Variants in ZC3H7B observed in about 807,000 individuals in gnomAD.
The protein encoded by ZC3H7B is zinc finger CCCH-type containing 7B.
In ZC3H7B, 35 loss-of-function variants were observed where a neutral mutation model predicts 116.0. The observed-to-expected ratio is 0.30, with a 90% confidence interval of 0.23 to 0.40. ZC3H7B has a LOEUF of 0.40. ZC3H7B is among the 10% of genes least tolerant of loss of function. The pLI is 1.00. For synonymous variants in ZC3H7B, 502 were observed against 545.6 expected (o/e 0.92, Z 1.11); for missense variants, 1,011 against 1,321.5 (o/e 0.77, Z 3.64).
Position 41,356,396 on chromosome 22 carries a change from A to G in ZC3H7B, c.2437A>G (p.Lys813Glu). The G allele has an allele frequency of 6.2e-7, 1 of 1,614,132 alleles. No homozygotes were observed. The change falls in exon 21 of 23, where the codon AAG becomes GAG. Residue 813 changes from lysine to glutamate, a missense_variant. This residue lies in a region of ZC3H7B where 406 missense variants were observed against 590.2 expected (regional missense o/e 0.69). Coordinates refer to ENST00000352645, the MANE Select transcript of ZC3H7B (RefSeq NM_017590.6). Reference sequence around the variant, plus strand: ...GTGGCTGAAAAAACACAACCCAGGAAAGCCTGGAGAAGGGACCCCCATCAG... The same window carrying G: ...GTGGCTGAAAAAACACAACCCAGGAGAGCCTGGAGAAGGGACCCCCATCAG... ...DMWLKKHNPG[K>E]PGEGTPISSR... is the part of the protein sequence containing the mutation.
At chr22:41,326,406 C>T (rs998365869) in intron 4 of ZC3H7B, among the ~76,000 whole-genome samples, 13 of 151,600 alleles carry the variant, frequency 8.6e-5, no homozygotes, top group African/African-American at 2.2e-4. Context: ...CTCACTGTTC[C>T]TCCCATAGCC....
Position 41,356,819 on chromosome 22 carries a change from G to T in ZC3H7B, c.2681+11G>T. 1 of 1,613,064 alleles carries T rather than the reference G, an allele frequency of 6.2e-7. No individual in the cohort carries two copies. Among genetic ancestry groups the T allele is most frequent in the East Asian group, 2.2e-5 (1 of 44,876 alleles). The stretch of plus-strand genomic sequence containing the variant: ...CCGGCTCTGCGACAGGTGCTCCTGG[G>T]AGGGCAGGGCCTGGCGGGACATGGG... On this transcript the variant is annotated intron_variant, in intron 22 of 22. Transcript: ENST00000352645.
chr22:41,326,033 C>A, intron 4 of ZC3H7B, 115 bp downstream of exon 4: 1 of 1,225,284 alleles, frequency 8.2e-7, no homozygotes, highest in Non-Finnish European at 1.1e-6. Flanking sequence ...CTCCTCCCAG[C>A]CTGCTTTCAG....
At chr22:41,329,830 A>T (rs1322828010) in intron 5 of ZC3H7B, among the ~76,000 whole-genome samples, 193 bp from the exon 6 acceptor site, 3 of 152,242 alleles carry the variant, frequency 2.0e-5, no homozygotes, top group East Asian at 3.8e-4. Context: ...GAAGCATGGG[A>T]TGGTGGTCCT....
rs2036364388 is a variant in ZC3H7B, at chr22:41,330,168, G to A, written c.525+65G>A. On this transcript the variant is annotated intron_variant, in intron 6 of 22. Coordinates refer to ENST00000352645, the MANE Select transcript of ZC3H7B (RefSeq NM_017590.6). ...TGAGGAGGTCTGAAGGGAGGGACCA[G>A]GCTCCGTGGGGAAGGTGGGTGAGGG... 7.7e-6 allele frequency: 12 copies of A among 1,560,748 alleles called. No homozygotes were observed. The Admixed American group carries it at 2.1e-4, about 27-fold the overall frequency.
chr22:41,337,387 G>A (rs897779812), intron 7 of ZC3H7B, among the ~76,000 whole-genome samples: 1 of 151,762 alleles, frequency 6.6e-6, no homozygotes, highest in African/African-American at 2.4e-5. Context: ...CCCGTTCTAA[G>A]CACTTCACAC....
chr22:41,303,878 CT>C, intron 1 of ZC3H7B, among the ~76,000 whole-genome samples: 1 of 151,576 alleles, frequency 6.6e-6, no homozygotes, highest in East Asian at 2.0e-4. Context: ...CTGCCTCAGC[CT>C]CCTGAGTAGC....
chr22:41,313,750 A>G (rs571475669), intron 1 of ZC3H7B, among the ~76,000 whole-genome samples: 1 of 150,196 alleles, frequency 6.7e-6, no homozygotes, highest in South Asian at 2.1e-4. Flanking sequence ...TGTGTTTTTG[A>G]TTTTGTTTTT....
chr22:41,326,617 C>T (rs1420223051), intron 4 of ZC3H7B, among the ~76,000 whole-genome samples: 1 of 152,164 alleles, frequency 6.6e-6, no homozygotes, highest in African/African-American at 2.4e-5. Flanking sequence ...GTGCCTTCCT[C>T]CTCCTCCTCC....
chr22:41,355,088 G>C (rs1034802233), intron 17 of ZC3H7B, among the ~76,000 whole-genome samples: 15 of 152,212 alleles, frequency 9.9e-5, no homozygotes, highest in Admixed American at 2.6e-4. Flanking sequence ...AGATGCGCTT[G>C]AGCTGAGTTT....
chr22:41,308,301 G>A (rs1396231046), intron 1 of ZC3H7B, among the ~76,000 whole-genome samples: 3 of 152,214 alleles, frequency 2.0e-5, no homozygotes, highest in South Asian at 2.1e-4. Context: ...GTTCCCTGGA[G>A]CATCTCTGTG....
At chr22:41,325,985 A>C in intron 4 of ZC3H7B, 67 bp downstream of exon 4, 1 of 1,526,242 alleles carries the variant, frequency 6.6e-7, no homozygotes. Context: ...CAGTCGAGCC[A>C]GGCCCATACC....
intron 13 of ZC3H7B, among the ~76,000 whole-genome samples, chr22:41,344,554 T>C (rs543631946): frequency 4.7e-4 from 71 of 152,342 alleles, no homozygotes; most frequent in African/African-American, 1.6e-3. Context: ...GCCTGAATCT[T>C]GGGAAGCCCT....
At position 41,349,547 on chromosome 22, in the gene ZC3H7B, A is replaced by G. The variant is rs115853411; in HGVS notation, c.1948+246A>G. On this transcript the variant is annotated intron_variant, in intron 16 of 22. Coordinates refer to ENST00000352645, the MANE Select transcript of ZC3H7B (RefSeq NM_017590.6). The surrounding 1 kb of genome is among the most constrained non-coding windows in gnomAD (Gnocchi z 4.9). ...CGGAGATCTGGGTTTTTCCCTTCGTAGGCACCGTCCAGGGAGCACGGAGAG... is the reference window on the plus strand; with the variant it reads ...CGGAGATCTGGGTTTTTCCCTTCGTGGGCACCGTCCAGGGAGCACGGAGAG... Among the ~76,000 whole-genome samples the G allele has an allele frequency of 0.018, 2,713 of 152,130 alleles. 99 individuals are homozygous for G. Among genetic ancestry groups the G allele is most frequent in the African/African-American group, 0.062 (2,562 of 41,482 alleles).
At chr22:41,304,179 G>C (rs1206527447) in intron 1 of ZC3H7B, among the ~76,000 whole-genome samples, 1 of 152,052 alleles carries the variant, frequency 6.6e-6, no homozygotes, top group African/African-American at 2.4e-5. Context: ...AAGGGATAGG[G>C]TTACAGGCAT....
At position 41,357,168 on chromosome 22, in the gene ZC3H7B, C is replaced by T; in HGVS notation, c.2682-9C>T. 1 of 1,611,776 alleles carries T rather than the reference C, an allele frequency of 6.2e-7. No individual in the cohort carries two copies. Among genetic ancestry groups the T allele is most frequent in the Non-Finnish European group, 8.5e-7 (1 of 1,179,282 alleles). ...AGAGCTCGGGCAGTGAGCCTCCTGC[C>T]ACCCACAGGCTCCAGAAGGGCAAAG... On this transcript the variant is annotated splice_polypyrimidine_tract_variant and intron_variant, in intron 22 of 22. Coordinates refer to ENST00000352645, the MANE Select transcript of ZC3H7B (RefSeq NM_017590.6). The surrounding 1 kb of genome is among the most constrained non-coding windows in gnomAD (Gnocchi z 5.4).
intron 20 of ZC3H7B, 42 bp downstream of exon 20, chr22:41,356,104 T>G: frequency 6.6e-7 from 1 of 1,515,056 alleles, no homozygotes; most frequent in Non-Finnish European, 8.8e-7. Flanking sequence ...CCCCGGTGTC[T>G]CTTCAGTGCT....
chr22:41,329,419 C>A (rs1026545861), intron 5 of ZC3H7B, among the ~76,000 whole-genome samples: 1 of 151,820 alleles, frequency 6.6e-6, no homozygotes, highest in African/African-American at 2.4e-5. Flanking sequence ...CCACCATGCC[C>A]GGCTAATTTT....
chr22:41,343,405 C>T lies in ZC3H7B; in HGVS notation c.1298-10C>T, dbSNP rs756365522. On this transcript the variant is annotated splice_polypyrimidine_tract_variant and intron_variant, in intron 12 of 22. Transcript: ENST00000352645. Reference sequence around the variant, plus strand: ...TCCGGAATTATCATGTGTGTCCACCCTGCCCATAGGCCCCCGGGCTGGCGA... The same window carrying T: ...TCCGGAATTATCATGTGTGTCCACCTTGCCCATAGGCCCCCGGGCTGGCGA... 2.5e-6 allele frequency: 4 copies of T among 1,603,288 alleles called. No homozygotes were observed. The East Asian group carries it at 9.0e-5, about 36-fold the overall frequency.
Sources: allele counts gnomAD v4.1 joint callset (sites outside exome capture counted in the v4.1 genomes callset), GRCh38; gene constraint gnomAD v4.1.1; regional missense constraint gnomAD v4.1.1; non-coding constraint Gnocchi (gnomAD v3.1); transcripts MANE v1.5; gene names NCBI Gene and HGNC (gene_info 2026-07-23, HGNC 2026-07-21).